DAPK1: variants seen among roughly 807,000 people sequenced by gnomAD.
The protein encoded by DAPK1 is death-associated protein kinase 1.
A neutral mutation model predicts 144.9 loss-of-function variants in DAPK1; 56 were observed. That is an observed-to-expected ratio of 0.39 (90% CI 0.31 to 0.48). The LOEUF (loss-of-function observed/expected upper bound fraction) is 0.48. Among genes scored for constraint, DAPK1 ranks in the 20% least tolerant of loss-of-function variants. The pLI, the probability that DAPK1 is intolerant of heterozygous loss-of-function variation, is 0.95. For synonymous variants in DAPK1, 690 were observed against 749.0 expected (o/e 0.92, Z 1.29); for missense variants, 1,454 against 1,875.4 (o/e 0.78, Z 4.15).
intron 19 of DAPK1, among the ~76,000 whole-genome samples, chr9:87,677,613 C>T (rs971594686): frequency 2.6e-5 from 4 of 152,178 alleles, no homozygotes; most frequent in African/African-American, 9.7e-5. Context: ...TTCTGCCTTC[C>T]CCTGGTCTCA....
intron 2 of DAPK1, among the ~76,000 whole-genome samples, chr9:87,517,216 C>T (rs7044010): frequency 0.046 from 7,010 of 151,830 alleles, 576 homozygotes; most frequent in African/African-American, 0.16. Flanking sequence ...TAGTGGGCAC[C>T]GATAGCAGGC....
chr9:87,566,924 A>G (rs1372287418), intron 2 of DAPK1, among the ~76,000 whole-genome samples: 3 of 152,162 alleles, frequency 2.0e-5, no homozygotes, highest in Non-Finnish European at 4.4e-5. Flanking sequence ...ATCACTATGG[A>G]AAGAGCATGA....
intron 2 of DAPK1, among the ~76,000 whole-genome samples, chr9:87,537,178 G>C (rs757328351): frequency 5.9e-5 from 9 of 152,094 alleles, no homozygotes; most frequent in Admixed American, 2.0e-4. Flanking sequence ...AGTAGAGCCA[G>C]GGTTTCACTA....
chr9:87,668,787 T>C, intron 19 of DAPK1, 113 bp downstream of exon 19: 1 of 764,060 alleles, frequency 1.3e-6, no homozygotes, highest in Non-Finnish European at 2.3e-6. Flanking sequence ...AGCCAGGTTT[T>C]AGGAACAGTG....
At chr9:87,687,304 C>T (rs1824899067) in intron 21 of DAPK1, among the ~76,000 whole-genome samples, 1 of 152,150 alleles carries the variant, frequency 6.6e-6, no homozygotes, top group Non-Finnish European at 1.5e-5. Flanking sequence ...ACAGCCTTCC[C>T]AGTCTCTGGT....
intron 2 of DAPK1, among the ~76,000 whole-genome samples, chr9:87,513,866 C>T (rs571095441): frequency 4.7e-4 from 71 of 152,274 alleles, no homozygotes; most frequent in Non-Finnish European, 9.0e-4. Context: ...TTCTCAACCT[C>T]GGCATTAGTG....
chr9:87,615,280 A>C (rs1829056227), intron 3 of DAPK1, among the ~76,000 whole-genome samples: 1 of 152,208 alleles, frequency 6.6e-6, no homozygotes, highest in Admixed American at 6.5e-5. Flanking sequence ...ACTTGTTTTT[A>C]ATATTGTCAA....
At position 87,604,802 on chromosome 9, in the gene DAPK1, T is replaced by G. The variant is rs1587760258; in HGVS notation, c.63-152T>G. On this transcript the variant is annotated intron_variant, in intron 2 of 25. Coordinates refer to ENST00000408954, the MANE Select transcript of DAPK1 (RefSeq NM_004938.4). ...AAACAGGCTTAGTGTAAATGAATGA[T>G]GATAAGAAACATCCCTACCTAATTT... The G allele has an allele frequency of 1.1e-5, 7 of 635,354 alleles. No homozygotes were observed. The East Asian group carries it at 1.9e-4, about 17-fold the overall frequency. The allele number at this position is 635,354 out of a possible 1,614,324, so 39.4% of individuals were successfully genotyped here.
intron 19 of DAPK1, among the ~76,000 whole-genome samples, chr9:87,670,645 A>G (rs1413562603): frequency 1.3e-5 from 2 of 152,112 alleles, no homozygotes; most frequent in Non-Finnish European, 2.9e-5. Flanking sequence ...TCCCAGGTGT[A>G]TGATGCCCTG....
chr9:87,685,291 T>A (rs1174648468), intron 20 of DAPK1, among the ~76,000 whole-genome samples: 1 of 152,190 alleles, frequency 6.6e-6, no homozygotes, highest in Non-Finnish European at 1.5e-5. Context: ...TTTCTTCTCC[T>A]CATCCCCTCC....
chr9:87,646,444 T>C lies in DAPK1; in HGVS notation c.1132-17T>C, dbSNP rs375838929. 1.2e-4 allele frequency: 191 copies of C among 1,588,224 alleles called. No individual in the cohort carries two copies. In the African/African-American group the frequency reaches 2.3e-3, roughly 19 times the overall value. ...ACCAAACCTGAAAATTAGTAATTTT[T>C]TTCTTGCCTATTCTAGCACGGGACA... On this transcript the variant is annotated splice_polypyrimidine_tract_variant and intron_variant, in intron 12 of 25. Coordinates refer to ENST00000408954, the MANE Select transcript of DAPK1 (RefSeq NM_004938.4).
intron 10 of DAPK1, 67 bp from the exon 11 acceptor site, chr9:87,643,309 C>T (rs2119145618): frequency 1.1e-6 from 1 of 911,412 alleles, no homozygotes; most frequent in Non-Finnish European, 1.7e-6. Flanking sequence ...TAAGCTGTCT[C>T]TCCTCCTCTC....
At chr9:87,632,756 G>A (rs1382060450) in intron 3 of DAPK1, 1 of 982,162 alleles carries the variant, frequency 1.0e-6, no homozygotes, top group African/African-American at 1.8e-5. Context: ...AGGGAAGAAG[G>A]AGGATGAGTA....
At chr9:87,671,409 C>T (rs1445488633) in intron 19 of DAPK1, among the ~76,000 whole-genome samples, 1 of 151,572 alleles carries the variant, frequency 6.6e-6, no homozygotes, top group East Asian at 1.9e-4. Context: ...ATAGAAAAAA[C>T]TATAAAATAC....
At chr9:87,535,001 G>A (rs1020841621) in intron 2 of DAPK1, among the ~76,000 whole-genome samples, 3 of 152,080 alleles carry the variant, frequency 2.0e-5, no homozygotes, top group Non-Finnish European at 4.4e-5. Flanking sequence ...TCAATAGGAA[G>A]AGCACTTTCT....
chr9:87,578,503 T>C (rs1415114622), intron 2 of DAPK1, among the ~76,000 whole-genome samples: 1 of 152,232 alleles, frequency 6.6e-6, no homozygotes, highest in African/African-American at 2.4e-5. Flanking sequence ...TTGCTAGAAG[T>C]AGATGCACTG....
rs530527501 is a variant in DAPK1, at chr9:87,498,875, G to A, written c.-108-95G>A. 1.3e-5 allele frequency: 7 copies of A among 526,060 alleles called. No individual in the cohort carries two copies. The South Asian group carries it at 2.1e-4, about 16-fold the overall frequency. 32.6% of individuals were successfully genotyped at this position (526,060 alleles called of 1,614,324 possible). A position where few individuals can be genotyped will look rare whatever the true frequency, so the allele number is the denominator to read the frequency against. ...GAGGAGGGGCAGCTCCGGAGACCCG[G>A]TCTTCAGCGAGCGGGGTCTTAGCGC... On this transcript the variant is annotated intron_variant, in intron 1 of 25. Coordinates refer to ENST00000408954, the MANE Select transcript of DAPK1 (RefSeq NM_004938.4).
chr9:87,569,687 G>A (rs1827263462), intron 2 of DAPK1, among the ~76,000 whole-genome samples: 1 of 152,078 alleles, frequency 6.6e-6, no homozygotes, highest in Admixed American at 6.6e-5. Context: ...GCATCCGGGT[G>A]TGTAGCAGTG....
At chr9:87,508,540 C>T (rs1292294373) in intron 2 of DAPK1, among the ~76,000 whole-genome samples, 1 of 151,988 alleles carries the variant, frequency 6.6e-6, no homozygotes, top group East Asian at 1.9e-4. Flanking sequence ...GTCAGGGTTT[C>T]ACCGTGTTAG....
Sources: allele counts gnomAD v4.1 joint callset (sites outside exome capture counted in the v4.1 genomes callset), GRCh38; gene constraint gnomAD v4.1.1; transcripts MANE v1.5; gene names NCBI Gene and HGNC (gene_info 2026-07-23, HGNC 2026-07-21).